Variants in GALNTL6 observed in about 807,000 individuals in gnomAD.
The protein encoded by GALNTL6 is polypeptide N-acetylgalactosaminyltransferase like 6.
GALNTL6 carries 46 observed loss-of-function variants against 73.7 expected under a neutral mutation model. That is an observed-to-expected ratio of 0.62 (90% CI 0.49 to 0.80). GALNTL6 has a LOEUF of 0.80. Ranked by LOEUF, GALNTL6 falls within the 30% of genes least tolerant of loss-of-function variation. The pLI, the probability that GALNTL6 is intolerant of heterozygous loss-of-function variation, is 0.00. For missense variants in GALNTL6, 604 were observed against 755.0 expected (o/e 0.80, Z 2.34); for synonymous variants, 259 against 263.7 (o/e 0.98, Z 0.17).
chr4:172,961,989 C>G (rs1489496993), intron 10 of GALNTL6, among the ~76,000 whole-genome samples: 1 of 152,162 alleles, frequency 6.6e-6, no homozygotes, highest in East Asian at 1.9e-4. Context: ...GGGCTGAGTC[C>G]GAAAAGAGAG....
At chr4:172,774,230 G>C (rs1159615723) in intron 5 of GALNTL6, among the ~76,000 whole-genome samples, 1 of 152,148 alleles carries the variant, frequency 6.6e-6, no homozygotes, top group Non-Finnish European at 1.5e-5. Flanking sequence ...GAATGAGGTG[G>C]TTTTAGCCTA....
intron 5 of GALNTL6, among the ~76,000 whole-genome samples, chr4:172,655,675 ATTT>A (rs1424846913): frequency 1.3e-5 from 2 of 152,150 alleles, no homozygotes; most frequent in Non-Finnish European, 2.9e-5. Context: ...TATATGTCAA[ATTT>A]TCTACATTAT....
At chr4:171,895,274 T>C (rs1363047095) in intron 2 of GALNTL6, among the ~76,000 whole-genome samples, 1 of 152,106 alleles carries the variant, frequency 6.6e-6, no homozygotes, top group South Asian at 2.1e-4. Context: ...AGCCTGGGAG[T>C]AGGGACTGTT....
At chr4:172,091,571 C>T (rs188129313) in intron 2 of GALNTL6, among the ~76,000 whole-genome samples, 16 of 152,296 alleles carry the variant, frequency 1.1e-4, no homozygotes, top group Admixed American at 8.5e-4. Flanking sequence ...TTTCCAAAGG[C>T]AGTCTGGTCA....
chr4:172,192,772 G>A (rs934366434), intron 2 of GALNTL6, among the ~76,000 whole-genome samples: 3 of 152,170 alleles, frequency 2.0e-5, no homozygotes, highest in African/African-American at 4.8e-5. Context: ...TGCAACCAGC[G>A]GCAGCAGGCT....
At chr4:172,680,061 A>G (rs1732544350) in intron 5 of GALNTL6, among the ~76,000 whole-genome samples, 2 of 152,182 alleles carry the variant, frequency 1.3e-5, no homozygotes, top group African/African-American at 4.8e-5. Flanking sequence ...TGAAAGAATT[A>G]AGCACTTTAA....
chr4:172,952,573 T>C (rs756081342), intron 10 of GALNTL6, among the ~76,000 whole-genome samples: 1 of 151,810 alleles, frequency 6.6e-6, no homozygotes, highest in Non-Finnish European at 1.5e-5. Context: ...TGGAATGCAA[T>C]GGCGTGATCT....
chr4:172,177,128 T>C (rs989357228), intron 2 of GALNTL6, among the ~76,000 whole-genome samples: 1 of 152,168 alleles, frequency 6.6e-6, no homozygotes, highest in South Asian at 2.1e-4. Context: ...GTAGTCAGCA[T>C]ATAGGAGGAG....
intron 5 of GALNTL6, among the ~76,000 whole-genome samples, chr4:172,485,831 C>T (rs1733644917): frequency 6.6e-6 from 1 of 152,034 alleles, no homozygotes. Flanking sequence ...AGAAATGGTT[C>T]TAAATGTTTT....
intron 10 of GALNTL6, among the ~76,000 whole-genome samples, chr4:172,969,667 G>A (rs1179253908): frequency 6.6e-6 from 1 of 152,158 alleles, no homozygotes; most frequent in South Asian, 2.1e-4. Flanking sequence ...GAAAATACAA[G>A]CCAAAGATTT....
intron 5 of GALNTL6, among the ~76,000 whole-genome samples, chr4:172,503,144 G>T (rs1025474301): frequency 1.3e-5 from 2 of 152,036 alleles, no homozygotes; most frequent in African/African-American, 4.8e-5. Flanking sequence ...TGTGGGAAGG[G>T]TTGGTCAAAT....
At chr4:172,582,948 C>T (rs1579211106) in intron 5 of GALNTL6, among the ~76,000 whole-genome samples, 2 of 152,320 alleles carry the variant, frequency 1.3e-5, no homozygotes, top group East Asian at 3.9e-4. Flanking sequence ...TCTAAGAAAT[C>T]TTGTCATCCC....
intron 10 of GALNTL6, among the ~76,000 whole-genome samples, chr4:173,008,054 T>G (rs940815441): frequency 6.6e-6 from 1 of 152,202 alleles, no homozygotes; most frequent in Admixed American, 6.5e-5. Context: ...TCTTTCCTAT[T>G]TTGCTAATAC....
intron 2 of GALNTL6, among the ~76,000 whole-genome samples, chr4:172,082,176 A>C (rs1030738084): frequency 6.6e-6 from 1 of 152,118 alleles, no homozygotes; most frequent in South Asian, 2.1e-4. Flanking sequence ...GGCCAAGTCA[A>C]GTAATATTTT....
rs140343050 is a variant in GALNTL6 at position 173,009,566 on chromosome 4, G to A, written c.1488+272G>A. On this transcript the variant is annotated intron_variant, in intron 11 of 12. Coordinates refer to ENST00000506823, the MANE Select transcript of GALNTL6 (RefSeq NM_001034845.3). ...AAAGGATGGGAGAAATGTGGATTGC[G>A]ACCCTAGTCTTACTTCTTTTCCCAG... 2.3e-3 allele frequency among the ~76,000 whole-genome samples: 357 copies of A among 152,320 alleles called. 2 individuals carry two copies. Among genetic ancestry groups the A allele is most frequent in the African/African-American group, 8.1e-3 (336 of 41,576 alleles).
intron 12 of GALNTL6, among the ~76,000 whole-genome samples, chr4:173,028,602 C>T (rs950831546): frequency 6.6e-6 from 1 of 152,132 alleles, no homozygotes; most frequent in Non-Finnish European, 1.5e-5. Flanking sequence ...TCTATATGGC[C>T]TGCCTAATAC....
At chr4:171,988,094 C>G (rs1000514583) in intron 2 of GALNTL6, among the ~76,000 whole-genome samples, 15 of 152,104 alleles carry the variant, frequency 9.9e-5, no homozygotes, top group African/African-American at 2.4e-4. Context: ...GCCTCTAAAA[C>G]TATTAAAGCA....
chr4:172,970,494 G>A (rs1169699930), intron 10 of GALNTL6, among the ~76,000 whole-genome samples: 1 of 152,156 alleles, frequency 6.6e-6, no homozygotes, highest in Non-Finnish European at 1.5e-5. Context: ...CTTGCTAGGA[G>A]AAGAATTCAG....
chr4:172,368,493 A>G (rs1742653737), intron 5 of GALNTL6, among the ~76,000 whole-genome samples: 1 of 152,186 alleles, frequency 6.6e-6, no homozygotes, highest in African/African-American at 2.4e-5. Context: ...ACCTCACATC[A>G]CCTTTAAGCT....
Sources: gnomAD v4.1 joint callset for allele counts (sites outside exome capture counted in the v4.1 genomes callset) on GRCh38, gnomAD v4.1.1 for gene constraint, MANE v1.5 for transcripts, NCBI Gene and HGNC (gene_info 2026-07-23, HGNC 2026-07-21) for gene names.